The following SERPINI1 variants were observed in gnomAD, a reference collection of about 807,000 sequenced individuals.
SERPINI1 encodes the protein serpin family I member 1.
Under a neutral mutation model 41.1 loss-of-function variants are expected in SERPINI1, and 19 were observed. The observed-to-expected ratio is 0.46, with a 90% confidence interval of 0.32 to 0.68. SERPINI1 has a LOEUF of 0.68. SERPINI1 is among the 30% of genes least tolerant of loss of function. The pLI, the probability that SERPINI1 is intolerant of heterozygous loss-of-function variation, is 0.03. For synonymous variants in SERPINI1, 138 were observed against 156.6 expected, an observed-to-expected ratio of 0.88 and a Z score of 0.89; for missense variants, 460 against 479.2, an observed-to-expected ratio of 0.96 and a Z score of 0.37.
intron 6 of SERPINI1, among the ~76,000 whole-genome samples, chr3:167,811,086 T>C (rs528848071): frequency 6.6e-6 from 1 of 152,152 alleles, no homozygotes; most frequent in African/African-American, 2.4e-5. Context: ...TACAATGAAA[T>C]TTTGAAACTG....
chr3:167,807,108 T>A, intron 5 of SERPINI1, 136 bp from the exon 6 acceptor site: 2 of 663,668 alleles, frequency 3.0e-6, no homozygotes, highest in Non-Finnish European at 5.5e-6. Flanking sequence ...AAATGCTAAT[T>A]GCAGTCAAAA....
At chr3:167,742,006 T>G (rs1188252241) in intron 1 of SERPINI1, among the ~76,000 whole-genome samples, 1 of 152,142 alleles carries the variant, frequency 6.6e-6, no homozygotes, top group Non-Finnish European at 1.5e-5. Flanking sequence ...TTTCAGAGTT[T>G]CTGATATGTT....
intron 1 of SERPINI1, among the ~76,000 whole-genome samples, chr3:167,782,437 A>G (rs1434939816): frequency 6.6e-6 from 1 of 152,218 alleles, no homozygotes; most frequent in African/African-American, 2.4e-5. Context: ...AATAATTTAG[A>G]AGTGACAACT....
intron 5 of SERPINI1, among the ~76,000 whole-genome samples, chr3:167,805,713 T>G (rs1577428775): frequency 6.6e-6 from 1 of 152,334 alleles, no homozygotes; most frequent in East Asian, 1.9e-4. Flanking sequence ...AGTTAATTTT[T>G]GTATAAGTTG....
At chr3:167,799,106 A>T (rs1727809152) in intron 5 of SERPINI1, among the ~76,000 whole-genome samples, 1 of 152,116 alleles carries the variant, frequency 6.6e-6, no homozygotes, top group South Asian at 2.1e-4. Context: ...GGTTTGTTAC[A>T]TAGGTATACA....
At chr3:167,796,066 T>A (rs1034793099) in intron 5 of SERPINI1, among the ~76,000 whole-genome samples, 44 of 152,222 alleles carry the variant, frequency 2.9e-4, no homozygotes, top group African/African-American at 9.9e-4. Context: ...TAAAGATGAA[T>A]TATTAATAAC....
At chr3:167,790,344 A>G (rs1727460108) in intron 2 of SERPINI1, 28 bp from the exon 3 acceptor site, 1 of 1,503,512 alleles carries the variant, frequency 6.7e-7, no homozygotes, top group Non-Finnish European at 9.3e-7. Flanking sequence ...TTGTTCTACA[A>G]ATAAACTTAT....
chr3:167,800,098 A>C (rs1255615375), intron 5 of SERPINI1: 1 of 152,136 alleles, frequency 6.6e-6, no homozygotes, highest in Admixed American at 6.6e-5. Context: ...TTTTATCCAA[A>C]ATATAAGAAT....
rs78555732 is a variant in SERPINI1 at position 167,772,976 on chromosome 3, A to G, written c.-18-16135A>G. On this transcript the variant is annotated intron_variant, in intron 1 of 8. Transcript: ENST00000446050. ...TATATATGTATATGTGTGTATATATATGTATATATATATATTTCTCTGAAG... is the reference window on the plus strand; with the variant it reads ...TATATATGTATATGTGTGTATATATGTGTATATATATATATTTCTCTGAAG... Among the ~76,000 whole-genome samples the G allele has an allele frequency of 4.2e-5, 6 of 143,416 alleles. 1 individual carries two copies. The highest frequency in any genetic ancestry group is 2.1e-4 in the Admixed American group (3 of 14,232). The allele number at this position is 143,416 out of a possible 152,430, so 94.1% of individuals were successfully genotyped here.
intron 6 of SERPINI1, among the ~76,000 whole-genome samples, chr3:167,813,250 T>G (rs1196949479): frequency 6.6e-6 from 1 of 152,220 alleles, no homozygotes; most frequent in Non-Finnish European, 1.5e-5. Flanking sequence ...GCTAACAAAG[T>G]TCATCTTCCT....
At chr3:167,803,284 A>AAAATAAAT (rs3061436) in intron 5 of SERPINI1, among the ~76,000 whole-genome samples, 17,935 of 147,524 alleles carry the variant, frequency 0.12, 1,193 homozygotes, top group African/African-American at 0.16. Flanking sequence ...AATAATAATA[A>AAAATAAAT]AAATAAATAA....
At chr3:167,755,722 A>G (rs1398704275) in intron 1 of SERPINI1, among the ~76,000 whole-genome samples, 1 of 151,090 alleles carries the variant, frequency 6.6e-6, no homozygotes, top group Non-Finnish European at 1.5e-5. Flanking sequence ...AGATTCTGGT[A>G]CTACTGAAAT....
intron 7 of SERPINI1, 117 bp downstream of exon 7, chr3:167,823,189 G>A (rs868268885): frequency 2.6e-6 from 2 of 768,140 alleles, no homozygotes; most frequent in African/African-American, 1.7e-5. Context: ...CTCTAACTTA[G>A]AAGTCAAGCA....
chr3:167,813,859 T>C (rs183741926), intron 6 of SERPINI1, among the ~76,000 whole-genome samples: 108 of 152,288 alleles, frequency 7.1e-4, no homozygotes, highest in African/African-American at 2.5e-3. Flanking sequence ...GCTACAAGCA[T>C]GGGGACTTCT....
At chr3:167,817,181 G>A (rs543125941) in intron 6 of SERPINI1, among the ~76,000 whole-genome samples, 1 of 152,294 alleles carries the variant, frequency 6.6e-6, no homozygotes, top group Admixed American at 6.5e-5. Flanking sequence ...GCTGAGTCAT[G>A]ACACACTGTA....
chr3:167,772,829 T>A (rs1160830704), intron 1 of SERPINI1, among the ~76,000 whole-genome samples: 510 of 13,614 alleles, frequency 0.037, 3 homozygotes, highest in East Asian at 0.097. Flanking sequence ...TGAGACTCTC[T>A]CTCTCTCTCT....
At chr3:167,773,751 C>G (rs1457920425) in intron 1 of SERPINI1, among the ~76,000 whole-genome samples, 1 of 152,166 alleles carries the variant, frequency 6.6e-6, no homozygotes, top group East Asian at 1.9e-4. Flanking sequence ...ATAGCTTTAG[C>G]ACAGTGTTAG....
At chr3:167,817,837 A>G (rs7651760) in intron 6 of SERPINI1, among the ~76,000 whole-genome samples, 45,937 of 151,280 alleles carry the variant, frequency 0.3, 8,793 homozygotes, top group African/African-American at 0.55. Flanking sequence ...CTGACCTTGT[A>G]ATCTGCCCAC....
intron 5 of SERPINI1, among the ~76,000 whole-genome samples, chr3:167,797,478 G>C (rs1415384634): frequency 6.6e-6 from 1 of 151,956 alleles, no homozygotes; most frequent in Non-Finnish European, 1.5e-5. Flanking sequence ...ATAGTTTTTG[G>C]TTTTACATTT....
Sources: gnomAD v4.1 joint callset for allele counts (sites outside exome capture counted in the v4.1 genomes callset) on GRCh38, gnomAD v4.1.1 for gene constraint, MANE v1.5 for transcripts, NCBI Gene and HGNC (gene_info 2026-07-23, HGNC 2026-07-21) for gene names.